STPG2: variants seen among roughly 807,000 people sequenced by gnomAD.
The protein encoded by STPG2 is sperm tail PG-rich repeat containing 2.
A neutral mutation model predicts 54.2 loss-of-function variants in STPG2; 56 were observed. The ratio of observed to expected loss-of-function variants is 1.03; its 90% CI spans 0.83 to 1.29. The LOEUF (loss-of-function observed/expected upper bound fraction) is 1.29. Ranked by LOEUF, STPG2 falls within the 50% of genes most tolerant of loss-of-function variation. The pLI is 0.00. For synonymous variants in STPG2, 200 were observed against 181.8 expected, an observed-to-expected ratio of 1.10 and a Z score of -0.81; for missense variants, 596 against 544.9, an observed-to-expected ratio of 1.09 and a Z score of -0.93.
intron 4 of STPG2, among the ~76,000 whole-genome samples, chr4:97,504,093 A>T (rs1309638679): frequency 7.1e-6 from 1 of 141,124 alleles, no homozygotes. Context: ...ATTTTATTTA[A>T]TATTTAATAA....
At chr4:97,560,313 T>C (rs1429926144) in intron 10 of STPG2, among the ~76,000 whole-genome samples, 1 of 152,212 alleles carries the variant, frequency 6.6e-6, no homozygotes, top group African/African-American at 2.4e-5. Context: ...TAATGTGCTC[T>C]GTCATCAATC....
chr4:97,994,477 A>G (rs1344035490), intron 5 of STPG2, among the ~76,000 whole-genome samples: 1 of 152,178 alleles, frequency 6.6e-6, no homozygotes, highest in Admixed American at 6.5e-5. Context: ...AATATCTGTT[A>G]AGTCCATTCG....
At chr4:97,578,922 G>T (rs1732794221) in intron 10 of STPG2, among the ~76,000 whole-genome samples, 1 of 152,024 alleles carries the variant, frequency 6.6e-6, no homozygotes, top group Non-Finnish European at 1.5e-5. Flanking sequence ...AAATGTCTGG[G>T]AGCAGAATTA....
chr4:97,865,084 T>G (rs1472884147), intron 8 of STPG2, among the ~76,000 whole-genome samples: 3 of 151,938 alleles, frequency 2.0e-5, no homozygotes, highest in Non-Finnish European at 4.4e-5. Flanking sequence ...AAGCCAAAAT[T>G]GACAAATGGG....
intron 5 of STPG2, among the ~76,000 whole-genome samples, chr4:98,100,769 A>G: frequency 7.1e-6 from 1 of 141,182 alleles, no homozygotes; most frequent in Non-Finnish European, 1.5e-5. Flanking sequence ...TCTGCCTCCC[A>G]GGTTCCAGTG....
At chr4:97,947,152 A>C (rs751765372) in intron 7 of STPG2, among the ~76,000 whole-genome samples, 1 of 151,844 alleles carries the variant, frequency 6.6e-6, no homozygotes. Context: ...TTGCAGCTAA[A>C]GGAGATTGAG....
chr4:97,726,790 TACACACACACATAATACAAACATACACAC>T (rs1056311480), intron 9 of STPG2, among the ~76,000 whole-genome samples: 2 of 150,628 alleles, frequency 1.3e-5, no homozygotes, highest in African/African-American at 2.5e-5. Flanking sequence ...GCATATATCA[TACACACACACATAATACAAACATACACAC>T]ACACACACAC....
chr4:97,688,116 T>C (rs1723254596), intron 10 of STPG2, among the ~76,000 whole-genome samples: 1 of 152,116 alleles, frequency 6.6e-6, no homozygotes, highest in South Asian at 2.1e-4. Flanking sequence ...TTTAGTAAAT[T>C]TCTAAAAGTG....
chr4:98,135,306 A>T (rs1740107226), intron 1 of STPG2, among the ~76,000 whole-genome samples: 1 of 151,768 alleles, frequency 6.6e-6, no homozygotes, highest in Non-Finnish European at 1.5e-5. Flanking sequence ...ATAATAAAAG[A>T]TACTCTATTT....
intron 4 of STPG2, among the ~76,000 whole-genome samples, chr4:97,505,917 C>T (rs1286148678): frequency 2.8e-5 from 4 of 144,896 alleles, no homozygotes; most frequent in African/African-American, 5.1e-5. Context: ...ATTTTCATTT[C>T]GAAGAGGTTT....
chr4:98,137,225 A>C (rs956397587), intron 1 of STPG2, among the ~76,000 whole-genome samples: 1 of 151,792 alleles, frequency 6.6e-6, no homozygotes, highest in Non-Finnish European at 1.5e-5. Flanking sequence ...TGGCTTTAGA[A>C]CAAGGAATAA....
intron 5 of STPG2, among the ~76,000 whole-genome samples, chr4:98,055,419 C>T (rs1430147224): frequency 4.6e-5 from 7 of 151,952 alleles, no homozygotes; most frequent in East Asian, 3.9e-4. Flanking sequence ...CTGGGCTGAA[C>T]GGAGAGAAAG....
chr4:97,450,498 A>G (rs1729337862), intron 4 of STPG2, among the ~76,000 whole-genome samples: 2 of 152,226 alleles, frequency 1.3e-5, no homozygotes, highest in Non-Finnish European at 2.9e-5. Flanking sequence ...CAAGTAAAGG[A>G]GATCAGAGGG....
chr4:97,678,783 A>G (rs1243101524), intron 10 of STPG2, among the ~76,000 whole-genome samples: 1 of 71,090 alleles, frequency 1.4e-5, no homozygotes, highest in Non-Finnish European at 2.8e-5. Context: ...CCCTCCCCCG[A>G]CCCTACAACA....
At chr4:97,558,126 T>C (rs756419206), downstream of STPG2, among the ~76,000 whole-genome samples, 5 of 152,336 alleles carry the variant, frequency 3.3e-5, no homozygotes, top group Middle Eastern at 3.4e-3. Flanking sequence ...CATACCCTTA[T>C]GATAAAATAC....
At chr4:97,480,965 G>A (rs775303529) in intron 4 of STPG2, among the ~76,000 whole-genome samples, 26 of 151,254 alleles carry the variant, frequency 1.7e-4, no homozygotes, top group Non-Finnish European at 1.2e-4. Flanking sequence ...CAAAATTTTC[G>A]CTTTCCCTAA....
intron 9 of STPG2, among the ~76,000 whole-genome samples, chr4:97,743,943 T>C (rs1268123243): frequency 6.6e-6 from 1 of 151,492 alleles, no homozygotes; most frequent in Non-Finnish European, 1.5e-5. Flanking sequence ...GCATAAGGCA[T>C]GTAGAGGATA....
At chr4:97,806,358 G>T (rs1727562316) in intron 9 of STPG2, among the ~76,000 whole-genome samples, 2 of 152,022 alleles carry the variant, frequency 1.3e-5, no homozygotes, top group Admixed American at 1.3e-4. Flanking sequence ...AGACACTGGG[G>T]ACTAGAAGGA....
chr4:98,101,682 C>T (rs1195853873), intron 5 of STPG2, among the ~76,000 whole-genome samples: 3 of 152,142 alleles, frequency 2.0e-5, no homozygotes, highest in Non-Finnish European at 2.9e-5. Context: ...GTTCCCTTAT[C>T]ACCTGATCAC....
Sources: gnomAD v4.1 joint callset for allele counts (sites outside exome capture counted in the v4.1 genomes callset) on GRCh38, gnomAD v4.1.1 for gene constraint, MANE v1.5 for transcripts, NCBI Gene and HGNC (gene_info 2026-07-23, HGNC 2026-07-21) for gene names.